Variants in WWOX observed in about 807,000 individuals in gnomAD.
WWOX encodes the protein WW domain-containing oxidoreductase.
In WWOX, 69 loss-of-function variants were observed where a neutral mutation model predicts 46.2. That is an observed-to-expected ratio of 1.49 (90% CI 1.23 to 1.82). The LOEUF (loss-of-function observed/expected upper bound fraction) is 1.82. Ranked by LOEUF, WWOX falls within the 40% of genes most tolerant of loss-of-function variation. The probability of loss-of-function intolerance (pLI) is 0.00; values close to 1 mark genes in which losing one functional copy is unlikely to be tolerated. For synonymous variants in WWOX, 359 were observed against 202.6 expected (o/e 1.77, Z -6.56); for missense variants, 919 against 542.6 (o/e 1.69, Z -6.89).
intron 8 of WWOX, among the ~76,000 whole-genome samples, chr16:78,698,593 C>T (rs1332697929): frequency 2.6e-5 from 4 of 152,126 alleles, no homozygotes; most frequent in Non-Finnish European, 4.4e-5. Context: ...TGCTACATTT[C>T]TAATATTAAT....
Position 79,211,342 on chromosome 16 carries a change from T to C in WWOX, c.1057-266T>C, listed in dbSNP as rs74488365. Among the ~76,000 whole-genome samples the C allele has an allele frequency of 0.064, 9,783 of 152,228 alleles. 438 individuals are homozygous for C. The highest frequency in any genetic ancestry group is 0.23 in the East Asian group (1,193 of 5,164). ...GCCTGCCACGACGTATTGATATGTG[T>C]ATTTATTTTCCAAGCCTGTCCCTGT... On this transcript the variant is annotated intron_variant, in intron 8 of 8. Transcript: ENST00000566780.
At chr16:78,677,115 T>C (rs1236314846) in intron 8 of WWOX, among the ~76,000 whole-genome samples, 1 of 151,752 alleles carries the variant, frequency 6.6e-6, no homozygotes, top group African/African-American at 2.4e-5. Flanking sequence ...AGGCATTATA[T>C]TGCATCTACA....
At chr16:78,909,006 T>A (rs1224644790) in intron 8 of WWOX, among the ~76,000 whole-genome samples, 1 of 152,152 alleles carries the variant, frequency 6.6e-6, no homozygotes, top group Admixed American at 6.5e-5. Flanking sequence ...GGCAGGAAGG[T>A]TGTTTATTTT....
At chr16:79,178,878 A>G (rs1305036543) in intron 8 of WWOX, among the ~76,000 whole-genome samples, 8 of 152,234 alleles carry the variant, frequency 5.3e-5, no homozygotes, top group Admixed American at 5.2e-4. Context: ...CACTTAAGAA[A>G]TAACTTCATG....
At chr16:79,005,018 G>C (rs2174406) in intron 8 of WWOX, among the ~76,000 whole-genome samples, 2 of 152,146 alleles carry the variant, frequency 1.3e-5, no homozygotes, top group Non-Finnish European at 2.9e-5. Context: ...GGAGAGGGAA[G>C]GAAGAGGAAA....
intron 8 of WWOX, among the ~76,000 whole-genome samples, chr16:78,800,180 GAGA>G (rs570824907): frequency 1.1e-3 from 165 of 152,060 alleles, no homozygotes; most frequent in Non-Finnish European, 1.6e-3. Context: ...TATTAAAACT[GAGA>G]AGGAGAAAAA....
At chr16:78,230,626 G>A (rs1456798563) in intron 5 of WWOX, among the ~76,000 whole-genome samples, 1 of 152,226 alleles carries the variant, frequency 6.6e-6, no homozygotes, top group Non-Finnish European at 1.5e-5. Context: ...TGTTGTCAGA[G>A]TTGTGGGTAA....
intron 8 of WWOX, among the ~76,000 whole-genome samples, chr16:78,871,736 A>C (rs1387728081): frequency 6.6e-6 from 1 of 152,150 alleles, no homozygotes; most frequent in Non-Finnish European, 1.5e-5. Context: ...AGCAGCTGGG[A>C]CTACAGGCAG....
intron 8 of WWOX, among the ~76,000 whole-genome samples, chr16:78,449,897 CTT>C (rs202234395): frequency 2.1e-5 from 3 of 145,900 alleles, no homozygotes; most frequent in East Asian, 2.0e-4. Flanking sequence ...AAAGCGTGAA[CTT>C]TTTTTTTTTT....
chr16:78,363,360 A>G (rs1190903401), intron 5 of WWOX, among the ~76,000 whole-genome samples: 2 of 151,490 alleles, frequency 1.3e-5, no homozygotes, highest in Non-Finnish European at 2.9e-5. Flanking sequence ...TCCAGCCCCA[A>G]ACTCCCAAGC....
At chr16:78,379,519 T>A (rs2081906907) in intron 5 of WWOX, among the ~76,000 whole-genome samples, 1 of 152,186 alleles carries the variant, frequency 6.6e-6, no homozygotes, top group African/African-American at 2.4e-5. Flanking sequence ...CAACACAGCA[T>A]AACAAAGAGC....
intron 6 of WWOX, among the ~76,000 whole-genome samples, chr16:78,406,778 C>T (rs577371193): frequency 5.9e-5 from 9 of 151,934 alleles, no homozygotes; most frequent in Non-Finnish European, 1.3e-4. Flanking sequence ...AGTCGTGTGC[C>T]ACCACGCCTG....
In WWOX at chr16:78,334,924, TA is replaced by T. The variant is rs538880972; in HGVS notation, c.517-51922del. Among the ~76,000 whole-genome samples, 328 of 140,458 alleles carry T rather than the reference TA, an allele frequency of 2.3e-3. 2 individuals are homozygous for T. The highest frequency in any genetic ancestry group is 3.8e-3 in the African/African-American group (145 of 38,472). 92.1% of individuals were successfully genotyped at this position (140,458 alleles called of 152,430 possible). The stretch of plus-strand genomic sequence containing the variant: ...TCATTGAGGAGATACCATCTTTTTT[TA>T]AAAAAAAAAAAAAGGCAGCAAAATG... On this transcript the variant is annotated intron_variant, in intron 5 of 8. Transcript: ENST00000566780.
chr16:78,610,574 C>G (rs1042494068), intron 8 of WWOX, among the ~76,000 whole-genome samples: 5 of 152,108 alleles, frequency 3.3e-5, no homozygotes, highest in Non-Finnish European at 7.3e-5. Context: ...AAAAATTGCT[C>G]AGTGCATTTA....
At chr16:78,616,191 G>A (rs941111263) in intron 8 of WWOX, among the ~76,000 whole-genome samples, 1 of 151,456 alleles carries the variant, frequency 6.6e-6, no homozygotes, top group Non-Finnish European at 1.5e-5. Flanking sequence ...CATTCCCACG[G>A]CCACACAAGC....
At chr16:78,947,299 A>G (rs1351707880) in intron 8 of WWOX, among the ~76,000 whole-genome samples, 1 of 152,222 alleles carries the variant, frequency 6.6e-6, no homozygotes, top group Admixed American at 6.5e-5. Context: ...TGCCTGAAGC[A>G]ATAAAGGCAG....
At chr16:78,512,736 A>C (rs543056552) in intron 8 of WWOX, among the ~76,000 whole-genome samples, 1 of 152,242 alleles carries the variant, frequency 6.6e-6, no homozygotes, top group African/African-American at 2.4e-5. Flanking sequence ...AAGTACTTGC[A>C]CTAGTGATGC....
intron 5 of WWOX, among the ~76,000 whole-genome samples, chr16:78,225,179 T>C (rs2151801409): frequency 6.6e-6 from 1 of 152,330 alleles, no homozygotes; most frequent in African/African-American, 2.4e-5. Flanking sequence ...AGCCTCTTCC[T>C]CCAGGGCTAT....
At chr16:78,679,019 A>G (rs2047667996) in intron 8 of WWOX, among the ~76,000 whole-genome samples, 1 of 152,156 alleles carries the variant, frequency 6.6e-6, no homozygotes, top group Non-Finnish European at 1.5e-5. Context: ...GAGAGACAGG[A>G]AAGCAGGGAA....
Sources: gnomAD v4.1 joint callset for allele counts (sites outside exome capture counted in the v4.1 genomes callset) on GRCh38, gnomAD v4.1.1 for gene constraint, MANE v1.5 for transcripts, NCBI Gene and HGNC (gene_info 2026-07-23, HGNC 2026-07-21) for gene names.